Variants in PRPSAP2 observed in about 807,000 individuals in gnomAD.
PRPSAP2 encodes phosphoribosyl pyrophosphate synthase-associated protein 2.
In PRPSAP2, 24 loss-of-function variants were observed where a neutral mutation model predicts 40.6. The ratio of observed to expected loss-of-function variants is 0.59; its 90% CI spans 0.43 to 0.83. The LOEUF (loss-of-function observed/expected upper bound fraction) is 0.83, where lower values mean the gene tolerates loss of function less well. Ranked by LOEUF, PRPSAP2 falls within the 40% of genes least tolerant of loss-of-function variation. The pLI, the probability that PRPSAP2 is intolerant of heterozygous loss-of-function variation, is 0.00. For synonymous variants in PRPSAP2, 149 were observed against 164.7 expected (o/e 0.90, Z 0.73); for missense variants, 292 against 465.6 (o/e 0.63, Z 3.43).
At chr17:18,898,621 T>G (rs2040068370) in intron 8 of PRPSAP2, among the ~76,000 whole-genome samples, 1 of 152,228 alleles carries the variant, frequency 6.6e-6, no homozygotes, top group South Asian at 2.1e-4. Flanking sequence ...TTTCTTTTGG[T>G]CACTGTGGTT....
At chr17:18,902,869 CAAAAAAAAAAAAAAA>C (rs58345106) in intron 8 of PRPSAP2, among the ~76,000 whole-genome samples, 2 of 73,310 alleles carry the variant, frequency 2.7e-5, no homozygotes, top group African/African-American at 5.4e-5. Context: ...AACTCCATCT[CAAAAAAAAAAAAAAA>C]AAAAAAAAAG....
chr17:18,882,921 T>A (rs527309971), intron 7 of PRPSAP2, among the ~76,000 whole-genome samples: 3 of 152,216 alleles, frequency 2.0e-5, no homozygotes, highest in Non-Finnish European at 4.4e-5. Flanking sequence ...TTGGACTAGA[T>A]ATGATTGTAA....
At position 18,930,870 on chromosome 17, in the gene PRPSAP2, T is replaced by A. The variant is rs1224542529; in HGVS notation, c.*172T>A. The A allele has an allele frequency of 4.0e-6, 2 of 505,516 alleles. No individual in the cohort carries two copies. Among genetic ancestry groups the A allele is most frequent in the African/African-American group, 2.0e-5 (1 of 51,254 alleles). 31.3% of individuals were successfully genotyped at this position (505,516 alleles called of 1,614,324 possible). A position where few individuals can be genotyped will look rare whatever the true frequency, so the allele number is the denominator to read the frequency against. Reference sequence around the variant, plus strand: ...CTTTTTATGTCGGTTTGGGTGTTTGTGAGTTTGGGGAGCAATTTTTATAAA... The same window carrying A: ...CTTTTTATGTCGGTTTGGGTGTTTGAGAGTTTGGGGAGCAATTTTTATAAA... On this transcript the variant is annotated 3_prime_UTR_variant, in exon 12 of 12. Transcript: ENST00000268835.
chr17:18,886,206 C>T lies in PRPSAP2; in HGVS notation c.528+3523C>T, dbSNP rs914618726. Among the ~76,000 whole-genome samples, 4 of 152,110 alleles carry T rather than the reference C, an allele frequency of 2.6e-5. No individual in the cohort carries two copies. In the East Asian group the frequency reaches 5.8e-4, roughly 22 times the overall value. On this transcript the variant is annotated intron_variant, in intron 7 of 11. Coordinates refer to ENST00000268835, the MANE Select transcript of PRPSAP2 (RefSeq NM_002767.4). ...TAATTATACTGTGGCACTGTGCCTT[C>T]TTGTCACTTAGTGATCCTATTCTGC... is the stretch of plus-strand genomic sequence containing the variant.
At chr17:18,901,251 T>C (rs938781748) in intron 8 of PRPSAP2, among the ~76,000 whole-genome samples, 8 of 152,204 alleles carry the variant, frequency 5.3e-5, no homozygotes, top group Non-Finnish European at 1.2e-4. Context: ...ACTGGCATTT[T>C]TGGGTCGCTT....
At chr17:18,906,941 A>G (rs2040628212) in intron 8 of PRPSAP2, among the ~76,000 whole-genome samples, 1 of 152,106 alleles carries the variant, frequency 6.6e-6, no homozygotes, top group Non-Finnish European at 1.5e-5. Flanking sequence ...TGAAATTTCT[A>G]ACAGCTCATA....
At chr17:18,891,223 C>T (rs2039526860) in intron 8 of PRPSAP2, among the ~76,000 whole-genome samples, 1 of 152,166 alleles carries the variant, frequency 6.6e-6, no homozygotes, top group South Asian at 2.1e-4. Flanking sequence ...AACTTGCACA[C>T]AGTAAGCCAT....
chr17:18,903,526 GA>G (rs2040409563), intron 8 of PRPSAP2, among the ~76,000 whole-genome samples: 1 of 152,120 alleles, frequency 6.6e-6, no homozygotes, highest in Non-Finnish European at 1.5e-5. Flanking sequence ...TTGAGTCCAG[GA>G]GTTCAAGAAC....
chr17:18,882,510 T>TAAA, intron 6 of PRPSAP2, 58 bp from the exon 7 acceptor site: 45 of 956,502 alleles, frequency 4.7e-5, no homozygotes, highest in South Asian at 6.5e-5. Context: ...GATCCCATCT[T>TAAA]AAAAAAAAAA....
chr17:18,887,664 G>A (rs7209218), intron 7 of PRPSAP2, among the ~76,000 whole-genome samples: 1,562 of 152,046 alleles, frequency 0.01, 16 homozygotes, highest in African/African-American at 0.032. Flanking sequence ...TTTACTTTTT[G>A]CATACTTATA....
intron 7 of PRPSAP2, among the ~76,000 whole-genome samples, chr17:18,884,190 C>T (rs113769515): frequency 0.015 from 2,251 of 152,172 alleles, 66 homozygotes; most frequent in African/African-American, 0.052. Flanking sequence ...TTGCTTGAAC[C>T]TGGGAGGTGG....
chr17:18,926,567 G>T (rs1223572668), intron 10 of PRPSAP2, among the ~76,000 whole-genome samples: 7 of 152,020 alleles, frequency 4.6e-5, no homozygotes, highest in Admixed American at 6.6e-5. Context: ...GCACCCAGCC[G>T]CCAGTGCATT....
At chr17:18,879,989 G>A (rs528634594) in intron 6 of PRPSAP2, among the ~76,000 whole-genome samples, 9 of 152,084 alleles carry the variant, frequency 5.9e-5, no homozygotes, top group East Asian at 2.0e-4. Context: ...CCAGCTACTC[G>A]GGAGTCTGAG....
intron 9 of PRPSAP2, chr17:18,917,304 T>A (rs2041374944): frequency 6.6e-6 from 1 of 151,778 alleles, no homozygotes; most frequent in Admixed American, 6.6e-5. Flanking sequence ...CACAAAAATG[T>A]GACTCGAAGT....
intron 1 of PRPSAP2, among the ~76,000 whole-genome samples, chr17:18,858,855 T>C (rs945285650): frequency 2.0e-5 from 2 of 102,550 alleles, no homozygotes; most frequent in Non-Finnish European, 4.4e-5. Context: ...GCTTTGGGGC[T>C]TGAGGTGTGA....
intron 2 of PRPSAP2, 32 bp from the exon 3 acceptor site, chr17:18,865,770 G>A: frequency 7.8e-7 from 1 of 1,284,118 alleles, no homozygotes; most frequent in Non-Finnish European, 1.0e-6. Context: ...CATATCATAT[G>A]GCAGTTTTTA....
Position 18,911,003 on chromosome 17 carries a change from A to G in PRPSAP2, c.585-100A>G. On this transcript the variant is annotated intron_variant, in intron 8 of 11. Coordinates refer to ENST00000268835, the MANE Select transcript of PRPSAP2 (RefSeq NM_002767.4). This position sits in a 1 kb window ranked among gnomAD's most constrained non-coding sequence, Gnocchi z 4.5. ...TCTCTTTTCTTTAGTCCTTTGGGAG[A>G]CAACATTCTACTTATGTTCTCTTAA... 1 of 1,334,846 alleles carries G rather than the reference A, an allele frequency of 7.5e-7. No homozygotes were observed. The highest frequency in any genetic ancestry group is 1.9e-5 in the South Asian group (1 of 53,646). The allele number at this position is 1,334,846 out of a possible 1,614,324, so 82.7% of individuals were successfully genotyped here.
At chr17:18,926,871 A>G (rs1322135717) in intron 10 of PRPSAP2, among the ~76,000 whole-genome samples, 1 of 151,952 alleles carries the variant, frequency 6.6e-6, no homozygotes, top group African/African-American at 2.4e-5. Context: ...AGGACACAGA[A>G]TTGCTCCTTC....
intron 5 of PRPSAP2, among the ~76,000 whole-genome samples, chr17:18,877,462 A>C (rs2038384563): frequency 6.6e-6 from 1 of 152,188 alleles, no homozygotes. Context: ...ACAGATGCAC[A>C]TAGTGGGAGC....
Sources: allele counts gnomAD v4.1 joint callset (sites outside exome capture counted in the v4.1 genomes callset), GRCh38; gene constraint gnomAD v4.1.1; non-coding constraint Gnocchi (gnomAD v3.1); transcripts MANE v1.5; gene names NCBI Gene and HGNC (gene_info 2026-07-23, HGNC 2026-07-21).